Variants in MAPKAP1 observed in about 807,000 individuals in gnomAD.
MAPKAP1 encodes the protein MAPK associated protein 1, also known as target of rapamycin complex 2 subunit MAPKAP1.
Under a neutral mutation model 65.7 loss-of-function variants are expected in MAPKAP1, and 20 were observed. That is an observed-to-expected ratio of 0.30 (90% CI 0.21 to 0.44). The LOEUF is 0.44. MAPKAP1 is among the 20% of genes least tolerant of loss of function. The pLI is 1.00. For missense variants in MAPKAP1, 423 were observed against 648.0 expected, an observed-to-expected ratio of 0.65 and a Z score of 3.77; for synonymous variants, 222 against 244.3, an observed-to-expected ratio of 0.91 and a Z score of 0.85.
intron 4 of MAPKAP1, among the ~76,000 whole-genome samples, chr9:125,622,690 C>T (rs1483841470): frequency 6.6e-6 from 1 of 152,174 alleles, no homozygotes; most frequent in African/African-American, 2.4e-5. Flanking sequence ...GTGATCTGCC[C>T]ATCTTGGCCT....
intron 2 of MAPKAP1, among the ~76,000 whole-genome samples, chr9:125,670,425 C>G (rs1251967631): frequency 6.6e-6 from 1 of 152,110 alleles, no homozygotes; most frequent in East Asian, 1.9e-4. Flanking sequence ...ATTAGCATAG[C>G]TTTTCTTCAG....
At chr9:125,572,317 G>A (rs1163207896) in intron 5 of MAPKAP1, among the ~76,000 whole-genome samples, 1 of 152,164 alleles carries the variant, frequency 6.6e-6, no homozygotes, top group East Asian at 1.9e-4. Flanking sequence ...TTGGTTTTAA[G>A]AAATCTTAAC....
At chr9:125,614,480 C>T (rs1392644352) in intron 4 of MAPKAP1, among the ~76,000 whole-genome samples, 6 of 152,154 alleles carry the variant, frequency 3.9e-5, no homozygotes, top group Middle Eastern at 3.4e-3. Context: ...AAAACTTAGC[C>T]GGGTGTGGTA....
At position 125,461,640 on chromosome 9, in the gene MAPKAP1, G is replaced by C. The variant is rs144584256; in HGVS notation, c.1345+6332C>G. Among the ~76,000 whole-genome samples, 366 of 152,298 alleles carry C rather than the reference G, an allele frequency of 2.4e-3. 4 individuals carry two copies. Among genetic ancestry groups the C allele is most frequent in the Admixed American group, 0.019 (288 of 15,300 alleles). ...TGCCTGCTCCTGATTGTGCTCCAGA[G>C]TACTCTTATGAAAAGGCAATTCAAT... On this transcript the variant is annotated intron_variant, in intron 10 of 11. Transcript: ENST00000265960.
chr9:125,637,892 CCTCCCAAGTAG>C (rs1333847591), intron 4 of MAPKAP1, among the ~76,000 whole-genome samples: 1 of 152,174 alleles, frequency 6.6e-6, no homozygotes, highest in African/African-American at 2.4e-5. Flanking sequence ...ACTGCCTCAG[CCTCCCAAGTAG>C]CTGGGATTAC....
chr9:125,584,762 T>C (rs1372103373), intron 5 of MAPKAP1, among the ~76,000 whole-genome samples: 1 of 152,108 alleles, frequency 6.6e-6, no homozygotes, highest in African/African-American at 2.4e-5. Flanking sequence ...ATCTACTACA[T>C]TTTGCTGTGT....
chr9:125,606,956 G>C (rs1832456042), intron 4 of MAPKAP1, among the ~76,000 whole-genome samples: 1 of 152,140 alleles, frequency 6.6e-6, no homozygotes, highest in Admixed American at 6.5e-5. Flanking sequence ...AGAGACCTAG[G>C]TCTGAATTCC....
At chr9:125,688,400 A>G (rs1331765089) in intron 1 of MAPKAP1, among the ~76,000 whole-genome samples, 1 of 152,174 alleles carries the variant, frequency 6.6e-6, no homozygotes, top group Non-Finnish European at 1.5e-5. Flanking sequence ...GGCCTCCCAA[A>G]GTACGGGGGT....
intron 7 of MAPKAP1, among the ~76,000 whole-genome samples, chr9:125,520,625 T>C (rs776131202): frequency 2.6e-5 from 4 of 152,200 alleles, no homozygotes; most frequent in Non-Finnish European, 4.4e-5. Context: ...ACTACATATA[T>C]GCAAGTTGAG....
chr9:125,650,073 T>A (rs542397877), intron 4 of MAPKAP1, among the ~76,000 whole-genome samples: 1 of 152,184 alleles, frequency 6.6e-6, no homozygotes, highest in Non-Finnish European at 1.5e-5. Flanking sequence ...GTTCTCTGCA[T>A]ACATCATCAA....
At chr9:125,583,678 T>C (rs78947523) in intron 5 of MAPKAP1, among the ~76,000 whole-genome samples, 2,947 of 152,342 alleles carry the variant, frequency 0.019, 99 homozygotes, top group African/African-American at 0.067. Context: ...AAGATGTACA[T>C]CACAGTTCAA....
At chr9:125,636,922 CA>C in intron 4 of MAPKAP1, among the ~76,000 whole-genome samples, 1 of 152,192 alleles carries the variant, frequency 6.6e-6, no homozygotes, top group East Asian at 1.9e-4. Context: ...AGAAGACATA[CA>C]TACATGCAGA....
At chr9:125,622,647 C>T (rs10986818) in intron 4 of MAPKAP1, among the ~76,000 whole-genome samples, 1 of 151,996 alleles carries the variant, frequency 6.6e-6, no homozygotes, top group South Asian at 2.1e-4. Flanking sequence ...GGTTTCACCA[C>T]GTTGGCCAGG....
chr9:125,664,461 A>T (rs1834280507), intron 3 of MAPKAP1, among the ~76,000 whole-genome samples: 1 of 152,022 alleles, frequency 6.6e-6, no homozygotes, highest in Non-Finnish European at 1.5e-5. Context: ...GTGGTGGCTC[A>T]TGCCTGTAAT....
intron 4 of MAPKAP1, among the ~76,000 whole-genome samples, chr9:125,648,979 G>A (rs1471677904): frequency 2.6e-5 from 4 of 152,058 alleles, no homozygotes; most frequent in Non-Finnish European, 5.9e-5. Flanking sequence ...GAATCTCTGA[G>A]AATTAGAACA....
chr9:125,667,322 C>T (rs1394068823), intron 3 of MAPKAP1, among the ~76,000 whole-genome samples: 2 of 152,036 alleles, frequency 1.3e-5, no homozygotes, highest in African/African-American at 2.4e-5. Flanking sequence ...ACTCTATTCA[C>T]CGTATTTTTG....
At chr9:125,691,622 A>G (rs1564619009) in intron 1 of MAPKAP1, among the ~76,000 whole-genome samples, 1 of 152,224 alleles carries the variant, frequency 6.6e-6, no homozygotes, top group South Asian at 2.1e-4. Context: ...ACCTAGGGAT[A>G]AAACCAAGGA....
intron 4 of MAPKAP1, among the ~76,000 whole-genome samples, chr9:125,649,446 C>T (rs1011778910): frequency 4.6e-5 from 7 of 152,168 alleles, no homozygotes; most frequent in Admixed American, 3.3e-4. Flanking sequence ...ATTACCCTAT[C>T]GTTTTCTCCT....
At chr9:125,698,366 T>G (rs1191144650) in intron 1 of MAPKAP1, among the ~76,000 whole-genome samples, 1 of 141,566 alleles carries the variant, frequency 7.1e-6, no homozygotes, top group Non-Finnish European at 1.5e-5. Flanking sequence ...AGATGGAGTT[T>G]CACTCTTGTC....
Sources: allele counts gnomAD v4.1 joint callset (sites outside exome capture counted in the v4.1 genomes callset), GRCh38; gene constraint gnomAD v4.1.1; transcripts MANE v1.5; gene names NCBI Gene and HGNC (gene_info 2026-07-23, HGNC 2026-07-21).